Variants in TBCD observed in about 807,000 individuals in gnomAD.
TBCD encodes tubulin folding cofactor D, also known as tubulin-specific chaperone D.
A neutral mutation model predicts 169.3 loss-of-function variants in TBCD; 105 were observed. The ratio of observed to expected loss-of-function variants is 0.62; its 90% CI spans 0.53 to 0.73. The LOEUF (loss-of-function observed/expected upper bound fraction) is 0.73. Among genes scored for constraint, TBCD ranks in the 30% least tolerant of loss-of-function variants. The pLI is 0.00. For synonymous variants in TBCD, 700 were observed against 643.9 expected (o/e 1.09, Z -1.32); for missense variants, 1,444 against 1,600.1 (o/e 0.90, Z 1.66).
chr17:82,906,038 CAGCCCA>C lies in TBCD; in HGVS notation c.1910_1915del (p.Ala637_Gln638del). On this transcript the variant is annotated inframe_deletion, in exon 20 of 39. Transcript: ENST00000355528. ...GTTGCTTACGCCTTGTACAAACTTGCAGCCCAAGAGAACAGGTAGGAAGAGTGGGTC... is the reference window on the plus strand; with the variant it reads ...GTTGCTTACGCCTTGTACAAACTTGCAGAGAACAGGTAGGAAGAGTGGGTC... 6.2e-7 allele frequency: 1 copy of C among 1,607,780 alleles called. No homozygotes were observed. The highest frequency in any genetic ancestry group is 1.1e-5 in the South Asian group (1 of 89,676).
At chr17:82,802,317 T>C (rs985168914) in intron 9 of TBCD, among the ~76,000 whole-genome samples, 6 of 151,994 alleles carry the variant, frequency 3.9e-5, no homozygotes, top group Non-Finnish European at 8.8e-5. Flanking sequence ...TTGGTTAAGG[T>C]CAGCTCACAC....
At chr17:82,883,907 C>G (rs1202676793) in intron 14 of TBCD, among the ~76,000 whole-genome samples, 1 of 152,140 alleles carries the variant, frequency 6.6e-6, no homozygotes, top group Non-Finnish European at 1.5e-5. Flanking sequence ...TGCACCGTCT[C>G]GTGGCTCTCG....
chr17:82,834,947 C>G (rs2053843001), intron 13 of TBCD, among the ~76,000 whole-genome samples: 1 of 152,020 alleles, frequency 6.6e-6, no homozygotes, highest in Non-Finnish European at 1.5e-5. Context: ...CCTGTAATCC[C>G]AGCACTTTGG....
chr17:82,875,796 G>A (rs1370536457), intron 14 of TBCD, among the ~76,000 whole-genome samples: 2 of 152,162 alleles, frequency 1.3e-5, no homozygotes, highest in African/African-American at 4.8e-5. Context: ...GGCCATTACC[G>A]AGCAGAGTCC....
intron 7 of TBCD, among the ~76,000 whole-genome samples, chr17:82,796,742 A>G (rs2050135096): frequency 6.6e-6 from 1 of 152,252 alleles, no homozygotes; most frequent in African/African-American, 2.4e-5. Flanking sequence ...AGCGGGCTCC[A>G]TGGAGAGAGT....
chr17:82,894,116 A>AGGGACTGTTTCTTTCTGTTTCGGT (rs1555636073), intron 17 of TBCD, among the ~76,000 whole-genome samples: 4 of 152,146 alleles, frequency 2.6e-5, no homozygotes, highest in Non-Finnish European at 2.9e-5. Flanking sequence ...AAGTGTTTTG[A>AGGGACTGTTTCTTTCTGTTTCGGT]AGTTGAAGTT....
Position 82,833,925 on chromosome 17 carries a change from G to A in TBCD, c.1318+18991G>A, listed in dbSNP as rs1442257853. On this transcript the variant is annotated intron_variant, in intron 13 of 38. Coordinates refer to ENST00000355528, the MANE Select transcript of TBCD (RefSeq NM_005993.5). This position sits in a 1 kb window ranked among gnomAD's most constrained non-coding sequence, Gnocchi z 4.7. ...GTTTCCTTCAGAGGCTGTGCCGCAC[G>A]CCCAAGGCTGAGAACAAAGGCTGTT... Among the ~76,000 whole-genome samples the A allele has an allele frequency of 4.0e-5, 6 of 151,654 alleles. No homozygotes were observed. Among genetic ancestry groups the A allele is most frequent in the Admixed American group, 2.0e-4 (3 of 15,222 alleles).
chr17:82,825,224 T>C (rs2052737539), intron 13 of TBCD, among the ~76,000 whole-genome samples: 2 of 152,250 alleles, frequency 1.3e-5, no homozygotes, highest in South Asian at 4.2e-4. Context: ...CTGGTGCTTT[T>C]TGGTGAGCGA....
intron 12 of TBCD, among the ~76,000 whole-genome samples, chr17:82,813,842 G>A (rs535853222): frequency 2.0e-5 from 3 of 152,326 alleles, no homozygotes; most frequent in African/African-American, 4.8e-5. Flanking sequence ...TGAGGAGCCC[G>A]CTGGTGGACG....
At chr17:82,859,905 T>C (rs192459224) in intron 13 of TBCD, 32 of 985,024 alleles carry the variant, frequency 3.2e-5, no homozygotes, top group Admixed American at 6.1e-5. Flanking sequence ...CTTGTCATTG[T>C]GCACTGGTGA....
At chr17:82,895,490 A>G (rs1200813855) in intron 17 of TBCD, among the ~76,000 whole-genome samples, 2 of 152,178 alleles carry the variant, frequency 1.3e-5, no homozygotes, top group East Asian at 3.9e-4. Flanking sequence ...AAGAGTGTGG[A>G]TTGTCCTGAG....
In TBCD at chr17:82,809,746, C is replaced by T. The variant is rs201046462; in HGVS notation, c.1187C>T (p.Ala396Val). 36 of 1,613,512 alleles carry T rather than the reference C, an allele frequency of 2.2e-5. 1 individual carries two copies. In the South Asian group the frequency reaches 2.4e-4, roughly 11 times the overall value. The change falls in exon 12 of 39, where the codon GCG (alanine) becomes GTG (valine). Residue 396 changes from alanine (A) to valine (V), a missense_variant. Transcript: ENST00000355528. ...GCTGGCAGGCTTCCCAGAGCCCTGG[C>T]GGATGATGTGGTCGGGTCTGTGCTG... ...RMAGRLPRAL[A>V]DDVVGSVLDC...
chr17:82,905,894 T>TG (rs745704516), intron 19 of TBCD, 42 bp from the exon 20 acceptor site: 13 of 1,524,012 alleles, frequency 8.5e-6, no homozygotes, highest in Non-Finnish European at 1.8e-6. Flanking sequence ...GCCGTCCACA[T>TG]GTACACACCC....
intron 6 of TBCD, among the ~76,000 whole-genome samples, chr17:82,777,390 A>C (rs1284491385): frequency 1.3e-5 from 2 of 152,242 alleles, no homozygotes; most frequent in Admixed American, 1.3e-4. Context: ...GATAAAAGAC[A>C]GCTGGGCCCG....
At chr17:82,936,081 G>A (rs1481404589) in intron 34 of TBCD, among the ~76,000 whole-genome samples, 1 of 152,168 alleles carries the variant, frequency 6.6e-6, no homozygotes, top group Non-Finnish European at 1.5e-5. Context: ...GAAACGGCCC[G>A]GGTTTCCCAC....
chr17:82,771,947 A>C (rs1052585385), intron 5 of TBCD, among the ~76,000 whole-genome samples: 2 of 152,098 alleles, frequency 1.3e-5, no homozygotes, highest in Non-Finnish European at 2.9e-5. Flanking sequence ...AAAAACAAAA[A>C]CAAAAAATAT....
At position 82,880,705 on chromosome 17, in the gene TBCD, C is replaced by A. The variant is rs550955211; in HGVS notation, c.1476-3440C>A. ...ACTGCAGGGTCCCTACCGCAGGCTC[C>A]CCACACAGTGACACCTGTCTGTCCG... On this transcript the variant is annotated intron_variant, in intron 14 of 38. Transcript: ENST00000355528. The surrounding 1 kb of genome is among the most constrained non-coding windows in gnomAD (Gnocchi z 5.0). Among the ~76,000 whole-genome samples the A allele has an allele frequency of 1.1e-4, 16 of 152,218 alleles. 1 individual carries two copies. The South Asian group carries it at 1.7e-3, about 16-fold the overall frequency.
chr17:82,777,920 C>T (rs1420492810), intron 6 of TBCD, among the ~76,000 whole-genome samples: 8 of 152,202 alleles, frequency 5.3e-5, no homozygotes, highest in African/African-American at 7.2e-5. Context: ...CGCTAGACCA[C>T]GGTCCGCTTG....
chr17:82,931,489 C>G (rs1361793788), intron 33 of TBCD, among the ~76,000 whole-genome samples: 1 of 152,142 alleles, frequency 6.6e-6, no homozygotes, highest in Admixed American at 6.5e-5. Flanking sequence ...GCCGGTCGCT[C>G]ATTCCTCCGT....
Sources: gnomAD v4.1 joint callset for allele counts (sites outside exome capture counted in the v4.1 genomes callset) on GRCh38, gnomAD v4.1.1 for gene constraint, Gnocchi (gnomAD v3.1) non-coding constraint, MANE v1.5 for transcripts, NCBI Gene and HGNC (gene_info 2026-07-23, HGNC 2026-07-21) for gene names.